Variants in CFAP43 observed in about 807,000 individuals in gnomAD.
The protein encoded by CFAP43 is cilia and flagella associated protein 43.
A neutral mutation model predicts 218.9 loss-of-function variants in CFAP43; 155 were observed. The observed-to-expected ratio is 0.71, with a 90% CI of 0.62 to 0.81. The LOEUF (loss-of-function observed/expected upper bound fraction) is 0.81, where lower values mean the gene tolerates loss of function less well. Ranked by LOEUF, CFAP43 falls within the 30% of genes least tolerant of loss-of-function variation. CFAP43 has a pLI of 0.00. For missense variants in CFAP43, 1,778 were observed against 1,954.3 expected (o/e 0.91, Z 1.70); for synonymous variants, 645 against 681.3 (o/e 0.95, Z 0.83).
rs1589732588 is a variant in CFAP43 at position 104,186,229 on chromosome 10, G to A, written c.1861-106C>T. 3 of 889,836 alleles carry A rather than the reference G, an allele frequency of 3.4e-6. No individual in the cohort carries two copies. In the East Asian group the frequency reaches 8.8e-5, roughly 26 times the overall value. The allele number at this position is 889,836 out of a possible 1,614,324, so 55.1% of individuals were successfully genotyped here. On this transcript the variant is annotated intron_variant, in intron 14 of 37. Coordinates refer to ENST00000357060, the MANE Select transcript of CFAP43 (RefSeq NM_025145.7). ...TGTATATTGTCATTGTAAATAAAAT[G>A]ATATGGCATAAAGTGCAAACATTGT...
intron 30 of CFAP43, 88 bp downstream of exon 30, chr10:104,146,175 A>T: frequency 9.7e-7 from 1 of 1,035,946 alleles, no homozygotes; most frequent in East Asian, 2.5e-5. Flanking sequence ...TCTGTGAGAA[A>T]ATTATATTAT....
chr10:104,197,233 A>T (rs1269921202), intron 9 of CFAP43, among the ~76,000 whole-genome samples: 1 of 152,236 alleles, frequency 6.6e-6, no homozygotes, highest in Non-Finnish European at 1.5e-5. Context: ...ACTATTGCCT[A>T]ATGAACAAAT....
In CFAP43 at chr10:104,131,291, A is replaced by G. The variant is rs762617352; in HGVS notation, c.4831+40T>C. On this transcript the variant is annotated intron_variant, in intron 37 of 37. Transcript: ENST00000357060. ...TTTTAGGATTACTGATTACTTTTAAAGAAACCTACAGTTGGTTAAAGAAAA... is the reference window on the plus strand; with the variant it reads ...TTTTAGGATTACTGATTACTTTTAAGGAAACCTACAGTTGGTTAAAGAAAA... 1.9e-6 allele frequency: 3 copies of G among 1,584,500 alleles called. No individual in the cohort carries two copies. In the Admixed American group the frequency reaches 6.1e-5, roughly 32 times the overall value.
At chr10:104,158,406 G>T (rs1369599508) in intron 27 of CFAP43, among the ~76,000 whole-genome samples, 1 of 152,160 alleles carries the variant, frequency 6.6e-6, no homozygotes, top group Non-Finnish European at 1.5e-5. Context: ...CTGATACGAT[G>T]CACTGAAGAC....
intron 3 of CFAP43, among the ~76,000 whole-genome samples, chr10:104,220,955 T>C (rs1589810961): frequency 7.8e-6 from 1 of 128,442 alleles, no homozygotes; most frequent in Non-Finnish European, 1.7e-5. Context: ...TGAGCGTGTG[T>C]GTGTGTGTGT....
intron 3 of CFAP43, among the ~76,000 whole-genome samples, chr10:104,214,661 A>G (rs2090964747): frequency 6.6e-6 from 1 of 152,204 alleles, no homozygotes; most frequent in African/African-American, 2.4e-5. Flanking sequence ...TACCAAGGCT[A>G]TTTTATCTTC....
intron 12 of CFAP43, among the ~76,000 whole-genome samples, chr10:104,189,484 A>G (rs1321826050): frequency 6.6e-6 from 1 of 152,184 alleles, no homozygotes; most frequent in Non-Finnish European, 1.5e-5. Context: ...ATGAGAGCCT[A>G]TCTCAGCCCT....
At chr10:104,178,615 G>GA (rs1466041145) in intron 19 of CFAP43, among the ~76,000 whole-genome samples, 1 of 152,036 alleles carries the variant, frequency 6.6e-6, no homozygotes, top group Non-Finnish European at 1.5e-5. Flanking sequence ...GTATTAAGAA[G>GA]ACTATTTAGA....
chr10:104,210,957 A>AT (rs1475477134), intron 5 of CFAP43, among the ~76,000 whole-genome samples: 7 of 151,564 alleles, frequency 4.6e-5, no homozygotes, highest in Non-Finnish European at 8.8e-5. Flanking sequence ...TGCCCGGCTA[A>AT]TTTTTTTGTA....
At chr10:104,138,741 C>G (rs554474717) in intron 34 of CFAP43, among the ~76,000 whole-genome samples, 1 of 150,236 alleles carries the variant, frequency 6.7e-6, no homozygotes, top group Admixed American at 6.6e-5. Flanking sequence ...GATCCTGGAA[C>G]AGAAAAATGA....
chr10:104,162,222 C>A, intron 25 of CFAP43, 95 bp downstream of exon 25: 2 of 1,330,132 alleles, frequency 1.5e-6, no homozygotes, highest in Non-Finnish European at 2.2e-6. Context: ...CCTCTGACCA[C>A]GACAAATGTG....
intron 24 of CFAP43, among the ~76,000 whole-genome samples, chr10:104,163,455 AT>A (rs544398351): frequency 1.3e-5 from 2 of 151,396 alleles, no homozygotes; most frequent in African/African-American, 4.9e-5. Context: ...ATTCTTTAGC[AT>A]TTTTTTTTAC....
chr10:104,132,318 T>C (rs2087236724), intron 35 of CFAP43, 122 bp from the exon 36 acceptor site: 2 of 781,034 alleles, frequency 2.6e-6, no homozygotes, highest in South Asian at 2.2e-5. Context: ...CAAGTTAAGA[T>C]TGATTTGGCT....
intron 20 of CFAP43, among the ~76,000 whole-genome samples, chr10:104,171,425 C>T (rs1325779996): frequency 6.6e-6 from 1 of 152,194 alleles, no homozygotes; most frequent in East Asian, 1.9e-4. Flanking sequence ...TCTATATCTT[C>T]ACCCCAGTCA....
chr10:104,164,013 C>A, intron 24 of CFAP43, 81 bp downstream of exon 24: 1 of 1,444,924 alleles, frequency 6.9e-7, no homozygotes, highest in Non-Finnish European at 9.6e-7. Flanking sequence ...TCACTTCCCA[C>A]AGAGTAACCA....
chr10:104,166,715 G>A lies in CFAP43; in HGVS notation c.2812C>T (p.Arg938Trp), dbSNP rs752563244. Residue 938 changes from arginine (R) to tryptophan (W), a missense_variant, in exon 23 of 38, where the codon CGG (arginine) becomes TGG (tryptophan). Arg to Trp is a moderately radical substitution (Grantham distance 101). Coordinates refer to ENST00000357060, the MANE Select transcript of CFAP43 (RefSeq NM_025145.7). The stretch of plus-strand genomic sequence containing the variant: ...GACTGAGCCTCTACAATTTCCTTCC[G>A]TAGCTACATGTAGAAAAAGATGACA... ...KKIEAECLKL[R>W]KEIVEAQSGV... 2.8e-5 allele frequency: 44 copies of A among 1,593,294 alleles called. No individual in the cohort carries two copies. The South Asian group carries it at 2.9e-4, about 10-fold the overall frequency.
At chr10:104,216,359 C>A (rs925324249) in intron 3 of CFAP43, among the ~76,000 whole-genome samples, 14 of 152,144 alleles carry the variant, frequency 9.2e-5, no homozygotes, top group Admixed American at 3.3e-4. Flanking sequence ...TATGGGACAC[C>A]ACAGATCCTC....
chr10:104,183,306 C>T, intron 16 of CFAP43, among the ~76,000 whole-genome samples: 1 of 152,156 alleles, frequency 6.6e-6, no homozygotes, highest in East Asian at 1.9e-4. Flanking sequence ...GACCCCCTAC[C>T]TTAAGTAACA....
rs767463187 is a variant in CFAP43 at position 104,230,888 on chromosome 10, AC to A, written c.66-46del. 4.7e-4 allele frequency: 702 copies of A among 1,492,002 alleles called. 1 individual carries two copies. Among genetic ancestry groups the A allele is most frequent in the South Asian group, 2.2e-3 (153 of 71,074 alleles). 92.4% of individuals were successfully genotyped at this position (1,492,002 alleles called of 1,614,324 possible). ...AACATCAATATAATACATTTCAAATACTTTTTTTTTTTTAACAAAGCAAAGG... is the reference window on the plus strand; with the variant it reads ...AACATCAATATAATACATTTCAAATATTTTTTTTTTTTAACAAAGCAAAGG... On this transcript the variant is annotated intron_variant, in intron 1 of 37. Transcript: ENST00000357060.
Sources: allele counts gnomAD v4.1 joint callset (sites outside exome capture counted in the v4.1 genomes callset), GRCh38; gene constraint gnomAD v4.1.1; transcripts MANE v1.5; gene names NCBI Gene and HGNC (gene_info 2026-07-23, HGNC 2026-07-21).